The following C4orf36 variants were observed in gnomAD, a reference collection of about 807,000 sequenced individuals.
The protein encoded by C4orf36 is chromosome 4 open reading frame 36.
C4orf36 carries 11 observed loss-of-function variants against 12.2 expected under a neutral mutation model. The observed-to-expected ratio is 0.90, with a 90% CI of 0.57 to 1.49. The LOEUF is 1.49. C4orf36 is among the 40% of genes most tolerant of loss of function. The probability of loss-of-function intolerance (pLI) is 0.00; values close to 1 mark genes in which losing one functional copy is unlikely to be tolerated. For synonymous variants in C4orf36, 54 were observed against 51.3 expected (o/e 1.05, Z -0.22); for missense variants, 137 against 133.9 (o/e 1.02, Z -0.11).
chr4:86,880,335 G>C (rs747880733), intron 4 of C4orf36, among the ~76,000 whole-genome samples: 4 of 152,298 alleles, frequency 2.6e-5, no homozygotes, highest in Middle Eastern at 3.4e-3. Flanking sequence ...AGCCAGGCGT[G>C]GTGGTGCTAC....
chr4:86,934,568 CTGTG>C, the C4orf36 span: 2 of 152,172 alleles, frequency 1.3e-5, no homozygotes. Flanking sequence ...TGAAACAGGC[CTGTG>C]TGTGAAAGGC....
chr4:86,921,719 G>C, the C4orf36 span, among the ~76,000 whole-genome samples: 1 of 152,108 alleles, frequency 6.6e-6, no homozygotes, highest in Non-Finnish European at 1.5e-5. Flanking sequence ...TAAGTGTACA[G>C]TTCATTGGCA....
At chr4:86,891,631 C>T in intron 1 of C4orf36, 38 bp from the exon 2 acceptor site, 1 of 1,525,002 alleles carries the variant, frequency 6.6e-7, no homozygotes, top group Non-Finnish European at 8.8e-7. Context: ...ATGCCTCTCA[C>T]GTGAATATTT....
At chr4:86,913,261 C>A in the C4orf36 span, 2 of 596,934 alleles carry the variant, frequency 3.4e-6, no homozygotes, top group Admixed American at 3.9e-5. Flanking sequence ...GCTTCACATC[C>A]AGAGGCCCTG....
the C4orf36 span, among the ~76,000 whole-genome samples, chr4:86,918,955 C>T: frequency 6.6e-6 from 1 of 151,998 alleles, no homozygotes; most frequent in Non-Finnish European, 1.5e-5. Context: ...TGACTCAGTC[C>T]AAGTTCAAAA....
At chr4:86,928,837 C>G in the C4orf36 span, among the ~76,000 whole-genome samples, 207 of 152,260 alleles carry the variant, frequency 1.4e-3, 1 homozygote, top group Non-Finnish European at 2.3e-3. Context: ...TTCATGTCCC[C>G]GTTTGATCAC....
intron 2 of C4orf36, among the ~76,000 whole-genome samples, chr4:86,890,414 G>T (rs11937088): frequency 0.036 from 5,452 of 151,852 alleles, 319 homozygotes; most frequent in African/African-American, 0.13. Context: ...GTGTTAAAAA[G>T]ACATATGTGT....
the C4orf36 span, among the ~76,000 whole-genome samples, chr4:86,915,431 CAAGT>C: frequency 6.6e-6 from 1 of 152,182 alleles, no homozygotes; most frequent in African/African-American, 2.4e-5. Flanking sequence ...CAGATGTAAT[CAAGT>C]TAAGATGAAG....
chr4:86,910,420 T>C, the C4orf36 span, among the ~76,000 whole-genome samples: 1 of 151,804 alleles, frequency 6.6e-6, no homozygotes, highest in Non-Finnish European at 1.5e-5. Context: ...TCAAAAAAAA[T>C]TAAAAATTAA....
the C4orf36 span, among the ~76,000 whole-genome samples, chr4:86,923,510 C>T: frequency 6.3e-4 from 96 of 151,966 alleles, no homozygotes; most frequent in African/African-American, 2.2e-3. Context: ...GTAAGCCCAG[C>T]ACTTTGGGAG....
chr4:86,900,914 CAACACAGCAGAG>C, the C4orf36 span, among the ~76,000 whole-genome samples: 1 of 151,904 alleles, frequency 6.6e-6, no homozygotes. Context: ...CAATTTTCCT[CAACACAGCAGAG>C]TGAGCTGTTC....
chr4:86,924,546 T>G, the C4orf36 span: 3 of 152,374 alleles, frequency 2.0e-5, no homozygotes, highest in Non-Finnish European at 4.4e-5. Flanking sequence ...GCTCACTATG[T>G]TGCCCAGGCT....
At chr4:86,918,394 G>A in the C4orf36 span, among the ~76,000 whole-genome samples, 1 of 152,230 alleles carries the variant, frequency 6.6e-6, no homozygotes, top group Admixed American at 6.5e-5. Flanking sequence ...CAGGAATCAA[G>A]GAGTATGAGT....
chr4:86,934,269 C>T, the C4orf36 span, among the ~76,000 whole-genome samples: 1 of 152,228 alleles, frequency 6.6e-6, no homozygotes, highest in Admixed American at 6.5e-5. Flanking sequence ...TGAAGACAGC[C>T]TGTTGCTTTC....
At chr4:86,927,358 T>A in the C4orf36 span, among the ~76,000 whole-genome samples, 1 of 152,254 alleles carries the variant, frequency 6.6e-6, no homozygotes, top group African/African-American at 2.4e-5. Flanking sequence ...TTTTTGTTTT[T>A]GTTTTTATTA....
At chr4:86,935,034 C>T in the C4orf36 span, 1 of 151,872 alleles carries the variant, frequency 6.6e-6, no homozygotes, top group Non-Finnish European at 1.5e-5. Context: ...GCGACGGGCG[C>T]GCGCGGCCCC....
intron 4 of C4orf36, among the ~76,000 whole-genome samples, chr4:86,880,370 C>T (rs1174129274): frequency 3.3e-5 from 5 of 152,156 alleles, no homozygotes; most frequent in Non-Finnish European, 4.4e-5. Flanking sequence ...CAGAGAATTG[C>T]TTGAGCCCAG....
the C4orf36 span, chr4:86,933,644 A>T: frequency 6.6e-6 from 1 of 152,268 alleles, no homozygotes; most frequent in Admixed American, 6.5e-5. Flanking sequence ...TATATATTTC[A>T]CAATGAAATG....
chr4:86,878,476 C>T (rs1746975890), intron 4 of C4orf36, among the ~76,000 whole-genome samples: 1 of 152,122 alleles, frequency 6.6e-6, no homozygotes, highest in South Asian at 2.1e-4. Context: ...ACTGACTTAA[C>T]AATATACAAA....
Sources: gnomAD v4.1 joint callset for allele counts (sites outside exome capture counted in the v4.1 genomes callset) on GRCh38, gnomAD v4.1.1 for gene constraint, MANE v1.5 for transcripts, NCBI Gene and HGNC (gene_info 2026-07-23, HGNC 2026-07-21) for gene names.